The following SNTG1 variants were observed in gnomAD, a reference collection of about 807,000 sequenced individuals.
The protein encoded by SNTG1 is syntrophin gamma 1.
SNTG1 carries 39 observed loss-of-function variants against 74.7 expected under a neutral mutation model. The ratio of observed to expected loss-of-function variants is 0.52; its 90% CI spans 0.40 to 0.68. The LOEUF (loss-of-function observed/expected upper bound fraction) is 0.68, where lower values mean the gene tolerates loss of function less well. Ranked by LOEUF, SNTG1 falls within the 30% of genes least tolerant of loss-of-function variation. SNTG1 has a pLI of 0.00. For missense variants in SNTG1, 685 were observed against 609.5 expected (o/e 1.12, Z -1.30); for synonymous variants, 254 against 217.1 (o/e 1.17, Z -1.49).
At chr8:50,251,889 A>G (rs2086662064) in intron 2 of SNTG1, among the ~76,000 whole-genome samples, 1 of 152,122 alleles carries the variant, frequency 6.6e-6, no homozygotes, top group Non-Finnish European at 1.5e-5. Context: ...AGAACATTCC[A>G]TCTACAGCTG....
At chr8:50,642,559 A>C (rs1431731519) in intron 13 of SNTG1, among the ~76,000 whole-genome samples, 2 of 152,098 alleles carry the variant, frequency 1.3e-5, no homozygotes, top group African/African-American at 2.4e-5. Context: ...CATCATCCCC[A>C]AGATCGTCCT....
chr8:50,300,713 T>C (rs1345790958), intron 2 of SNTG1, among the ~76,000 whole-genome samples: 2 of 152,172 alleles, frequency 1.3e-5, no homozygotes, highest in African/African-American at 4.8e-5. Context: ...TCTGGTACCA[T>C]TTCCTTTTAG....
chr8:50,011,558 C>T (rs1815796810), intron 1 of SNTG1, among the ~76,000 whole-genome samples: 1 of 151,688 alleles, frequency 6.6e-6, no homozygotes, highest in Admixed American at 6.6e-5. Context: ...TGATGGGTTG[C>T]AATCCAGTGC....
chr8:49,915,706 A>G lies in SNTG1; in HGVS notation c.-103+3475A>G, dbSNP rs375452842. Among the ~76,000 whole-genome samples the G allele has an allele frequency of 5.3e-5, 8 of 152,310 alleles. No homozygotes were observed. In the East Asian group the frequency reaches 1.3e-3, roughly 26 times the overall value. ...ATTAGTGATATTGATAAGGAAACTC[A>G]TACGATGAAATACACTTCAAAACTC... On this transcript the variant is annotated intron_variant, in intron 1 of 18. Transcript: ENST00000642720.
At chr8:50,744,524 G>A (rs1040101908) in intron 17 of SNTG1, among the ~76,000 whole-genome samples, 1 of 151,916 alleles carries the variant, frequency 6.6e-6, no homozygotes, top group Non-Finnish European at 1.5e-5. Context: ...AAATGTCACT[G>A]ATATTTTTTG....
chr8:49,947,126 C>T (rs1035054776), intron 1 of SNTG1, among the ~76,000 whole-genome samples: 2 of 151,972 alleles, frequency 1.3e-5, no homozygotes, highest in African/African-American at 2.4e-5. Flanking sequence ...ATGGTGAAAC[C>T]CTGTCTCTAC....
At chr8:50,228,771 AT>A (rs2085469287) in intron 2 of SNTG1, among the ~76,000 whole-genome samples, 1 of 151,858 alleles carries the variant, frequency 6.6e-6, no homozygotes, top group Non-Finnish European at 1.5e-5. Flanking sequence ...CTTGTGAGAA[AT>A]GTTAAAAGTT....
intron 1 of SNTG1, among the ~76,000 whole-genome samples, chr8:50,127,023 A>G (rs1189200906): frequency 6.6e-6 from 1 of 152,144 alleles, no homozygotes; most frequent in African/African-American, 2.4e-5. Context: ...CCAGTCAGGG[A>G]TAAAAATATA....
chr8:50,483,078 G>T (rs978804349), intron 8 of SNTG1, among the ~76,000 whole-genome samples: 8 of 152,086 alleles, frequency 5.3e-5, no homozygotes, highest in African/African-American at 1.9e-4. Context: ...AATTTTAAGG[G>T]TTATTTTTAG....
chr8:50,334,054 G>A (rs1390502966), intron 2 of SNTG1, among the ~76,000 whole-genome samples: 1 of 152,064 alleles, frequency 6.6e-6, no homozygotes, highest in African/African-American at 2.4e-5. Flanking sequence ...CCATCATCAC[G>A]CCTGGCTAAT....
At chr8:50,514,738 C>T (rs2094117027) in intron 9 of SNTG1, among the ~76,000 whole-genome samples, 3 of 152,040 alleles carry the variant, frequency 2.0e-5, no homozygotes, top group Non-Finnish European at 4.4e-5. Flanking sequence ...ATGTGTTAAG[C>T]CAAATTAGTG....
intron 1 of SNTG1, among the ~76,000 whole-genome samples, chr8:49,953,985 G>A (rs1333462415): frequency 6.6e-6 from 1 of 151,994 alleles, no homozygotes; most frequent in Non-Finnish European, 1.5e-5. Context: ...ACCAAAAGAT[G>A]GAAATTCCTT....
At position 50,792,668 on chromosome 8, in the gene SNTG1, C is replaced by CA; in HGVS notation, c.1396-2dup. 1.9e-6 allele frequency: 3 copies of CA among 1,600,792 alleles called. No individual in the cohort carries two copies. Among genetic ancestry groups the CA allele is most frequent in the Non-Finnish European group, 2.6e-6 (3 of 1,173,236 alleles). On this transcript the variant is annotated splice_region_variant and splice_polypyrimidine_tract_variant and intron_variant, in intron 18 of 18. Coordinates refer to ENST00000642720, the MANE Select transcript of SNTG1 (RefSeq NM_018967.5). Reference sequence around the variant, plus strand: ...ATCTGACCTGTTTCTCTTTCCCTTTCAGGAGTTGGAATTTTCTAATTTATT... The same window carrying CA: ...ATCTGACCTGTTTCTCTTTCCCTTTCAAGGAGTTGGAATTTTCTAATTTATT...
At chr8:50,449,368 A>G (rs1382399040) in intron 5 of SNTG1, among the ~76,000 whole-genome samples, 1 of 152,200 alleles carries the variant, frequency 6.6e-6, no homozygotes, top group Non-Finnish European at 1.5e-5. Flanking sequence ...CTAAATAAGA[A>G]TTTCTATTGG....
chr8:50,498,498 T>C (rs1000613017), intron 8 of SNTG1, among the ~76,000 whole-genome samples: 1 of 151,894 alleles, frequency 6.6e-6, no homozygotes, highest in Non-Finnish European at 1.5e-5. Context: ...ATTCCAAGTA[T>C]ATATTATTTA....
At chr8:50,413,971 CCTTT>C (rs1484460080) in intron 4 of SNTG1, among the ~76,000 whole-genome samples, 3 of 152,146 alleles carry the variant, frequency 2.0e-5, no homozygotes, top group Non-Finnish European at 4.4e-5. Context: ...TTTGATATCT[CCTTT>C]CTATCAATAT....
chr8:50,340,550 T>C (rs2091287933), intron 2 of SNTG1, among the ~76,000 whole-genome samples: 2 of 151,978 alleles, frequency 1.3e-5, no homozygotes, highest in South Asian at 4.1e-4. Context: ...TTTCTTACAA[T>C]CCTCACAAAA....
intron 13 of SNTG1, among the ~76,000 whole-genome samples, chr8:50,628,081 C>A (rs550820927): frequency 3.2e-4 from 49 of 152,272 alleles, no homozygotes; most frequent in South Asian, 2.3e-3. Flanking sequence ...CACCAGTCAT[C>A]TCATGGAAAC....
At chr8:50,366,435 A>C (rs181751135) in intron 2 of SNTG1, among the ~76,000 whole-genome samples, 2 of 152,048 alleles carry the variant, frequency 1.3e-5, no homozygotes, top group Non-Finnish European at 2.9e-5. Flanking sequence ...AACCATGTCC[A>C]TGACCATCTT....
Sources: gnomAD v4.1 joint callset for allele counts (sites outside exome capture counted in the v4.1 genomes callset) on GRCh38, gnomAD v4.1.1 for gene constraint, MANE v1.5 for transcripts, NCBI Gene and HGNC (gene_info 2026-07-23, HGNC 2026-07-21) for gene names.